Variants in KLF8 observed in about 807,000 individuals in gnomAD.
KLF8 encodes KLF transcription factor 8, also known as Krueppel-like factor 8.
A neutral mutation model predicts 18.2 loss-of-function variants in KLF8; 10 were observed. The ratio of observed to expected loss-of-function variants is 0.55; its 90% CI spans 0.34 to 0.93. The LOEUF is 0.93. KLF8 is among the 40% of genes least tolerant of loss of function. KLF8 has a pLI of 0.02. For missense variants in KLF8, 264 were observed against 277.9 expected, an observed-to-expected ratio of 0.95 and a Z score of 0.36; for synonymous variants, 109 against 97.3, an observed-to-expected ratio of 1.12 and a Z score of -0.71.
At chrX:55,947,387 A>C in the KLF8 span, among the ~76,000 whole-genome samples, 2 of 108,349 alleles carry the variant, frequency 1.8e-5, no homozygotes, top group Non-Finnish European at 3.8e-5. Flanking sequence ...TATCTCAAGA[A>C]GAAAAAACCA....
chrX:56,232,213 T>C (rs1451732843), upstream of KLF8, among the ~76,000 whole-genome samples: 1 of 111,315 alleles, frequency 9.0e-6, no homozygotes, highest in African/African-American at 3.3e-5. Flanking sequence ...GGAAGTGAAA[T>C]TGATTGGAAT....
At chrX:55,971,949 C>T in the KLF8 span, among the ~76,000 whole-genome samples, 1 of 110,675 alleles carries the variant, frequency 9.0e-6, no homozygotes, top group South Asian at 3.8e-4. Context: ...CCCTTACACA[C>T]TGTTGATGGG....
chrX:56,112,095 A>G, the KLF8 span, among the ~76,000 whole-genome samples: 79 of 112,079 alleles, frequency 7.0e-4, 2 homozygotes, highest in African/African-American at 2.5e-3. Context: ...ATGCCCATCA[A>G]TGATAGACCG....
the KLF8 span, among the ~76,000 whole-genome samples, chrX:56,046,619 G>A: frequency 9.5e-6 from 1 of 105,250 alleles, no homozygotes; most frequent in African/African-American, 3.4e-5. Flanking sequence ...AAAAAAAAAC[G>A]GTACCTTTCT....
chrX:56,217,398 C>CTATTTATTTATTTATTTATTTATT, the KLF8 span, among the ~76,000 whole-genome samples: 4 of 103,599 alleles, frequency 3.9e-5, no homozygotes, highest in South Asian at 4.7e-4. Flanking sequence ...CTGAATTGTA[C>CTATTTATTTATTTATTTATTTATT]TATTTATTTA....
chrX:56,243,699 CT>C (rs2099874629), intron 1 of KLF8, among the ~76,000 whole-genome samples: 1 of 108,877 alleles, frequency 9.2e-6, no homozygotes, highest in Admixed American at 9.9e-5. Flanking sequence ...CCACTCCCAG[CT>C]AATTTTTATA....
At chrX:55,987,324 A>G in the KLF8 span, among the ~76,000 whole-genome samples, 2 of 110,159 alleles carry the variant, frequency 1.8e-5, no homozygotes, top group Non-Finnish European at 3.8e-5. Context: ...AACATTAGGT[A>G]TATCTCCTAA....
At chrX:56,082,202 T>C in the KLF8 span, among the ~76,000 whole-genome samples, 2 of 112,067 alleles carry the variant, frequency 1.8e-5, no homozygotes, top group Non-Finnish European at 3.8e-5. Context: ...TTTCTATGAA[T>C]TTTAAAATTT....
chrX:56,179,095 A>C, the KLF8 span, among the ~76,000 whole-genome samples: 1 of 111,777 alleles, frequency 8.9e-6, no homozygotes, highest in Non-Finnish European at 1.9e-5. Flanking sequence ...TTTTCACAAT[A>C]TTGATTCTTC....
At chrX:56,175,047 G>A in the KLF8 span, among the ~76,000 whole-genome samples, 1 of 109,102 alleles carries the variant, frequency 9.2e-6, no homozygotes, top group South Asian at 3.8e-4. Flanking sequence ...CAAAAAATCA[G>A]CTCCTGGATT....
chrX:55,914,672 A>C, the KLF8 span, among the ~76,000 whole-genome samples: 3 of 111,461 alleles, frequency 2.7e-5, no homozygotes, highest in African/African-American at 9.8e-5. Flanking sequence ...TTCAACATAC[A>C]CAAGTTGAGA....
the KLF8 span, among the ~76,000 whole-genome samples, chrX:56,010,849 C>T: frequency 0.086 from 9,545 of 111,291 alleles, 990 homozygotes; most frequent in African/African-American, 0.3. Flanking sequence ...ACAACAACAA[C>T]AACAACAAAA....
the KLF8 span, among the ~76,000 whole-genome samples, chrX:56,010,198 A>G: frequency 4.5e-5 from 5 of 111,507 alleles, no homozygotes; most frequent in Non-Finnish European, 9.4e-5. Context: ...AAAAATGTTA[A>G]GGGCAGCCAG....
chrX:56,187,226 C>A, the KLF8 span, among the ~76,000 whole-genome samples: 2 of 111,868 alleles, frequency 1.8e-5, no homozygotes, highest in East Asian at 5.6e-4. Context: ...AAACTACCAT[C>A]AGAGAATACT....
intron 5 of KLF8, among the ~76,000 whole-genome samples, chrX:56,280,568 A>G (rs1309460644): frequency 9.0e-6 from 1 of 111,711 alleles, no homozygotes; most frequent in Non-Finnish European, 1.9e-5. Context: ...TTAAAGTTCT[A>G]TTATTTCTTT....
chrX:56,159,620 G>T, the KLF8 span, among the ~76,000 whole-genome samples: 2 of 112,424 alleles, frequency 1.8e-5, no homozygotes, highest in South Asian at 7.3e-4. Flanking sequence ...TCTTGGGAGG[G>T]TGTATGTGTT....
chrX:56,187,328 A>G, the KLF8 span, among the ~76,000 whole-genome samples: 1 of 111,994 alleles, frequency 8.9e-6, no homozygotes, highest in African/African-American at 3.2e-5. Flanking sequence ...ACCAGGAAGA[A>G]GTTGAATCTC....
At chrX:55,937,472 C>T in the KLF8 span, among the ~76,000 whole-genome samples, 1 of 112,459 alleles carries the variant, frequency 8.9e-6, no homozygotes, top group Non-Finnish European at 1.9e-5. Context: ...AGCGACTCTC[C>T]TCCTCCAAAG....
At chrX:56,085,996 A>G in the KLF8 span, among the ~76,000 whole-genome samples, 1 of 112,050 alleles carries the variant, frequency 8.9e-6, no homozygotes, top group Non-Finnish European at 1.9e-5. Flanking sequence ...ACTTCTAAAC[A>G]AAGACAACTA....
Sources: allele counts gnomAD v4.1 joint callset (sites outside exome capture counted in the v4.1 genomes callset), GRCh38; gene constraint gnomAD v4.1.1; transcripts MANE v1.5; gene names NCBI Gene and HGNC (gene_info 2026-07-23, HGNC 2026-07-21).